Variants in PIK3C2G observed in about 807,000 individuals in gnomAD.
PIK3C2G encodes phosphatidylinositol-4-phosphate 3-kinase catalytic subunit type 2 gamma, also known as phosphatidylinositol 3-kinase C2 domain-containing subunit gamma.
Under a neutral mutation model 181.1 loss-of-function variants are expected in PIK3C2G, and 168 were observed. The ratio of observed to expected loss-of-function variants is 0.93; its 90% CI spans 0.82 to 1.05. PIK3C2G has a LOEUF of 1.05. Among genes scored for constraint, PIK3C2G ranks in the 50% least tolerant of loss-of-function variants. PIK3C2G has a pLI of 0.00. For synonymous variants in PIK3C2G, 573 were observed against 592.2 expected, an observed-to-expected ratio of 0.97 and a Z score of 0.47; for missense variants, 1,869 against 1,732.8, an observed-to-expected ratio of 1.08 and a Z score of -1.40.
chr12:18,476,635 T>C (rs532285954), intron 18 of PIK3C2G, among the ~76,000 whole-genome samples: 2 of 152,084 alleles, frequency 1.3e-5, no homozygotes, highest in African/African-American at 2.4e-5. Flanking sequence ...GTAAACCTAA[T>C]AGGACATGGT....
chr12:18,309,066 T>A (rs1023393307), intron 5 of PIK3C2G, among the ~76,000 whole-genome samples: 2 of 151,758 alleles, frequency 1.3e-5, no homozygotes, highest in African/African-American at 4.8e-5. Flanking sequence ...ATTGTGAACA[T>A]CTTTCTTTGA....
At chr12:18,653,986 A>T in the PIK3C2G span, among the ~76,000 whole-genome samples, 1 of 152,100 alleles carries the variant, frequency 6.6e-6, no homozygotes, top group Non-Finnish European at 1.5e-5. Flanking sequence ...AAATAACTTG[A>T]GTAGCTTAAA....
chr12:18,595,391 T>C (rs77974997), intron 30 of PIK3C2G, among the ~76,000 whole-genome samples: 1 of 152,040 alleles, frequency 6.6e-6, no homozygotes, highest in African/African-American at 2.4e-5. Context: ...AGGAAAACAT[T>C]AAGCAAAAAA....
At chr12:18,317,342 C>T (rs945248964) in intron 6 of PIK3C2G, among the ~76,000 whole-genome samples, 3 of 150,922 alleles carry the variant, frequency 2.0e-5, no homozygotes, top group African/African-American at 2.4e-5. Flanking sequence ...TTTTTTTTTT[C>T]GCATTACATT....
At chr12:18,700,944 C>T in the PIK3C2G span, among the ~76,000 whole-genome samples, 1 of 151,638 alleles carries the variant, frequency 6.6e-6, no homozygotes, top group Non-Finnish European at 1.5e-5. Context: ...TCGCACAAAG[C>T]CTGTTTCATA....
chr12:18,401,934 AAATTGTGTAGCC>A (rs1156550053), intron 16 of PIK3C2G, among the ~76,000 whole-genome samples: 1 of 152,164 alleles, frequency 6.6e-6, no homozygotes, highest in African/African-American at 2.4e-5. Context: ...TGGGAATGCA[AAATTGTGTAGCC>A]AATTGGAAAA....
At chr12:18,391,286 C>A in intron 15 of PIK3C2G, 34 bp downstream of exon 15, 2 of 1,508,096 alleles carry the variant, frequency 1.3e-6, no homozygotes, top group African/African-American at 1.4e-5. Context: ...TGAATTTTTG[C>A]CTGCTGTTTA....
chr12:18,509,435 A>C (rs1942069780), intron 24 of PIK3C2G, among the ~76,000 whole-genome samples: 1 of 152,252 alleles, frequency 6.6e-6, no homozygotes, highest in South Asian at 2.1e-4. Flanking sequence ...TTGAGAAAAA[A>C]ACATTTCTCA....
chr12:18,672,966 T>C, the PIK3C2G span, among the ~76,000 whole-genome samples: 3 of 152,086 alleles, frequency 2.0e-5, no homozygotes, highest in Non-Finnish European at 4.4e-5. Context: ...AGAAGTGAGA[T>C]GTGAAGGCTA....
downstream of PIK3C2G, among the ~76,000 whole-genome samples, chr12:18,649,249 G>A (rs181631234): frequency 4.4e-4 from 67 of 152,072 alleles, no homozygotes; most frequent in African/African-American, 1.5e-3. Flanking sequence ...AAAAGAAACT[G>A]CCACAGATTT....
chr12:18,409,473 C>A (rs1377304731), intron 16 of PIK3C2G, among the ~76,000 whole-genome samples: 3 of 152,040 alleles, frequency 2.0e-5, no homozygotes, highest in Non-Finnish European at 4.4e-5. Context: ...ATGCAGCAAA[C>A]CACCATGGCA....
chr12:18,655,730 C>T, the PIK3C2G span, among the ~76,000 whole-genome samples: 3 of 136,496 alleles, frequency 2.2e-5, no homozygotes, highest in Non-Finnish European at 4.7e-5. Context: ...CCCAAAAACT[C>T]ACAGCCCCAA....
intron 18 of PIK3C2G, among the ~76,000 whole-genome samples, chr12:18,449,487 G>A (rs2135877664): frequency 6.6e-6 from 1 of 152,046 alleles, no homozygotes; most frequent in Middle Eastern, 3.4e-3. Context: ...AATGTGTGAT[G>A]TTCCCCTCCC....
intron 29 of PIK3C2G, among the ~76,000 whole-genome samples, chr12:18,586,455 C>T (rs568902141): frequency 2.5e-4 from 38 of 152,154 alleles, no homozygotes; most frequent in Non-Finnish European, 4.4e-4. Flanking sequence ...CACCTCTATG[C>T]GCACAAACTA....
At position 18,514,350 on chromosome 12, in the gene PIK3C2G, G is replaced by A. The variant is rs555421860; in HGVS notation, c.3323+8889G>A. Among the ~76,000 whole-genome samples the A allele has an allele frequency of 7.9e-5, 12 of 151,916 alleles. No homozygotes were observed. The South Asian group carries it at 1.7e-3, about 21-fold the overall frequency. ...GTATTTGGTCTAAAGTATAATCTAC[G>A]TCCAATATTTCTTTATTGATTTTAT... On this transcript the variant is annotated intron_variant, in intron 24 of 32. Transcript: ENST00000538779.
intron 10 of PIK3C2G, among the ~76,000 whole-genome samples, chr12:18,346,274 T>A (rs1040402965): frequency 6.6e-6 from 1 of 152,234 alleles, no homozygotes; most frequent in Non-Finnish European, 1.5e-5. Context: ...GATGTACTTA[T>A]AAGCCATCTA....
At chr12:18,287,354 T>C (rs1453858571) in intron 3 of PIK3C2G, among the ~76,000 whole-genome samples, 3 of 152,146 alleles carry the variant, frequency 2.0e-5, no homozygotes, top group South Asian at 2.1e-4. Context: ...ATTGGCAGAA[T>C]ATTGAATAAA....
chr12:18,407,604 T>G (rs1449723426), intron 16 of PIK3C2G, among the ~76,000 whole-genome samples: 1 of 152,108 alleles, frequency 6.6e-6, no homozygotes, highest in Non-Finnish European at 1.5e-5. Flanking sequence ...CATTACCAAA[T>G]TATGAGTGTA....
At chr12:18,696,238 C>A in the PIK3C2G span, 13 of 1,588,030 alleles carry the variant, frequency 8.2e-6, no homozygotes, top group Middle Eastern at 1.7e-4. Context: ...TGGTAATGAA[C>A]TTCCTGGTGT....
Sources: allele counts gnomAD v4.1 joint callset (sites outside exome capture counted in the v4.1 genomes callset), GRCh38; gene constraint gnomAD v4.1.1; transcripts MANE v1.5; gene names NCBI Gene and HGNC (gene_info 2026-07-23, HGNC 2026-07-21).